The following PACSIN1 variants were observed in gnomAD, a reference collection of about 807,000 sequenced individuals.
PACSIN1 encodes the protein protein kinase C and casein kinase substrate in neurons protein 1.
In PACSIN1, 15 loss-of-function variants were observed where a neutral mutation model predicts 59.5. The observed-to-expected ratio is 0.25, with a 90% CI of 0.17 to 0.39. The LOEUF is 0.39. Among genes scored for constraint, PACSIN1 ranks in the 10% least tolerant of loss-of-function variants. The pLI, the probability that PACSIN1 is intolerant of heterozygous loss-of-function variation, is 1.00. For missense variants in PACSIN1, 420 were observed against 580.2 expected, an observed-to-expected ratio of 0.72 and a Z score of 2.84; for synonymous variants, 210 against 220.6, an observed-to-expected ratio of 0.95 and a Z score of 0.42.
chr6:34,512,197 G>C (rs189578496), intron 1 of PACSIN1, among the ~76,000 whole-genome samples: 10 of 152,074 alleles, frequency 6.6e-5, no homozygotes. Flanking sequence ...GGCTGACAGT[G>C]GGGGTGGGCT....
At position 34,521,071 on chromosome 6, in the gene PACSIN1, G is replaced by A. The variant is rs1767383883; in HGVS notation, c.-63-5172G>A. Among the ~76,000 whole-genome samples, 1 of 152,202 alleles carries A rather than the reference G, an allele frequency of 6.6e-6. No homozygotes were observed. The highest frequency in any genetic ancestry group is 2.4e-5 in the African/African-American group (1 of 41,444). Reference sequence around the variant, plus strand: ...TGCACTGCGCACTTACTATGTTGCCGGCACTGCACTGGATGCTGGAAATAC... The same window carrying A: ...TGCACTGCGCACTTACTATGTTGCCAGCACTGCACTGGATGCTGGAAATAC... On this transcript the variant is annotated intron_variant, in intron 1 of 9. Transcript: ENST00000244458. This position sits in a 1 kb window ranked among gnomAD's most constrained non-coding sequence, Gnocchi z 4.3.
At position 34,521,280 on chromosome 6, in the gene PACSIN1, GC is replaced by G. The variant is rs1471254009; in HGVS notation, c.-63-4962del. On this transcript the variant is annotated intron_variant, in intron 1 of 9. Transcript: ENST00000244458. The surrounding 1 kb of genome is among the most constrained non-coding windows in gnomAD (Gnocchi z 4.3). Reference sequence around the variant, plus strand: ...GCTCAGGACCTGCTGGTGGCTGGGAGCAGCTGGGTGACTCCCAGGCCTGTGA... The same window carrying G: ...GCTCAGGACCTGCTGGTGGCTGGGAGAGCTGGGTGACTCCCAGGCCTGTGA... Among the ~76,000 whole-genome samples the G allele has an allele frequency of 6.6e-6, 1 of 152,158 alleles. No individual in the cohort carries two copies. Among genetic ancestry groups the G allele is most frequent in the Non-Finnish European group, 1.5e-5 (1 of 68,014 alleles).
chr6:34,481,811 A>G (rs1415007598), intron 1 of PACSIN1, among the ~76,000 whole-genome samples: 1 of 152,190 alleles, frequency 6.6e-6, no homozygotes, highest in East Asian at 1.9e-4. Flanking sequence ...TACGATTCAT[A>G]TACCATAATA....
At chr6:34,526,436 A>C in intron 2 of PACSIN1, 68 bp downstream of exon 2, 1 of 1,322,136 alleles carries the variant, frequency 7.6e-7, no homozygotes, top group Non-Finnish European at 1.1e-6. Context: ...AGGCTCCCTT[A>C]TCACTCACCC....
chr6:34,482,366 G>A (rs1277252024), intron 1 of PACSIN1, among the ~76,000 whole-genome samples: 2 of 152,148 alleles, frequency 1.3e-5, no homozygotes, highest in African/African-American at 4.8e-5. Context: ...GATTACAGGT[G>A]TGAGCCACTG....
intron 1 of PACSIN1, among the ~76,000 whole-genome samples, chr6:34,487,584 G>C (rs1042626535): frequency 2.0e-5 from 3 of 152,216 alleles, no homozygotes; most frequent in Non-Finnish European, 4.4e-5. Context: ...TGGAGGACTG[G>C]ACTGAAGGAG....
At chr6:34,479,429 A>G (rs114571856) in intron 1 of PACSIN1, among the ~76,000 whole-genome samples, 1,814 of 151,882 alleles carry the variant, frequency 0.012, 24 homozygotes, top group African/African-American at 0.034. Flanking sequence ...TTTCTTTTTG[A>G]ATTTTCTGAT....
In PACSIN1 at chr6:34,521,652, C is replaced by G. The variant is rs974879506; in HGVS notation, c.-63-4591C>G. On this transcript the variant is annotated intron_variant, in intron 1 of 9. Coordinates refer to ENST00000244458, the MANE Select transcript of PACSIN1 (RefSeq NM_020804.5). This position sits in a 1 kb window ranked among gnomAD's most constrained non-coding sequence, Gnocchi z 4.3. ...CCTCATGGACAAGAAAGGCAAGACC[C>G]TTCCTGGCTCCACAGAGAGAGAGGG... Among the ~76,000 whole-genome samples, 1 of 152,172 alleles carries G rather than the reference C, an allele frequency of 6.6e-6. No homozygotes were observed. Among genetic ancestry groups the G allele is most frequent in the Non-Finnish European group, 1.5e-5 (1 of 68,032 alleles).
At chr6:34,506,659 T>C (rs1268746568) in intron 1 of PACSIN1, among the ~76,000 whole-genome samples, 1 of 152,182 alleles carries the variant, frequency 6.6e-6, no homozygotes, top group Non-Finnish European at 1.5e-5. Flanking sequence ...GTCCCCTACT[T>C]GACCTTGGTT....
intron 1 of PACSIN1, among the ~76,000 whole-genome samples, chr6:34,482,231 C>A (rs1766729668): frequency 6.6e-6 from 1 of 152,106 alleles, no homozygotes; most frequent in Admixed American, 6.5e-5. Context: ...GGATTATAGG[C>A]GCCAGCCACC....
chr6:34,467,580 G>C (rs1318503992), intron 1 of PACSIN1, among the ~76,000 whole-genome samples: 2 of 121,832 alleles, frequency 1.6e-5, no homozygotes, highest in Non-Finnish European at 1.7e-5. Context: ...TTTTTTGAGA[G>C]AGAGTTTCGC....
At chr6:34,492,106 A>G (rs1206163638) in intron 1 of PACSIN1, among the ~76,000 whole-genome samples, 1 of 151,600 alleles carries the variant, frequency 6.6e-6, no homozygotes, top group African/African-American at 2.4e-5. Context: ...ACTGCTCTCC[A>G]TAGTGGCTGA....
intron 1 of PACSIN1, among the ~76,000 whole-genome samples, chr6:34,472,537 T>G (rs1178928566): frequency 6.6e-6 from 1 of 152,170 alleles, no homozygotes; most frequent in Non-Finnish European, 1.5e-5. Flanking sequence ...AAAACTGCAC[T>G]TGATGATACT....
chr6:34,467,051 G>A (rs1766506800), intron 1 of PACSIN1, among the ~76,000 whole-genome samples: 1 of 152,212 alleles, frequency 6.6e-6, no homozygotes, highest in African/African-American at 2.4e-5. Context: ...CACATAGGCA[G>A]TGACACATAT....
intron 1 of PACSIN1, among the ~76,000 whole-genome samples, chr6:34,523,232 G>A (rs377288970): frequency 3.3e-5 from 5 of 152,204 alleles, no homozygotes; most frequent in African/African-American, 1.2e-4. Flanking sequence ...GCTGTGCACC[G>A]TGCATGGGAC....
At chr6:34,524,238 T>C (rs77997402) in intron 1 of PACSIN1, among the ~76,000 whole-genome samples, 7,694 of 152,222 alleles carry the variant, frequency 0.051, 356 homozygotes, top group African/African-American at 0.11. Context: ...GTCTCAGCTG[T>C]ACTGTCCCTT....
chr6:34,491,518 T>G (rs779963094), intron 1 of PACSIN1, among the ~76,000 whole-genome samples: 16 of 152,050 alleles, frequency 1.1e-4, no homozygotes, highest in Non-Finnish European at 2.1e-4. Context: ...GAGACTTGTG[T>G]GCAGGAGGGT....
chr6:34,482,980 C>T (rs1448551389), intron 1 of PACSIN1, among the ~76,000 whole-genome samples: 2 of 151,094 alleles, frequency 1.3e-5, no homozygotes, highest in Non-Finnish European at 2.9e-5. Flanking sequence ...AGCCACTGCG[C>T]CCAGCCAACT....
intron 1 of PACSIN1, among the ~76,000 whole-genome samples, chr6:34,483,396 T>C (rs897573993): frequency 3.3e-5 from 5 of 152,158 alleles, no homozygotes; most frequent in Non-Finnish European, 5.9e-5. Context: ...AGGACCAACC[T>C]TGCCCAGTCC....
Sources: gnomAD v4.1 joint callset for allele counts (sites outside exome capture counted in the v4.1 genomes callset) on GRCh38, gnomAD v4.1.1 for gene constraint, Gnocchi (gnomAD v3.1) non-coding constraint, MANE v1.5 for transcripts, NCBI Gene and HGNC (gene_info 2026-07-23, HGNC 2026-07-21) for gene names.